NRXN3: variants seen among roughly 807,000 people sequenced by gnomAD.
NRXN3 encodes neurexin III.
Under a neutral mutation model 137.6 loss-of-function variants are expected in NRXN3, and 32 were observed. The ratio of observed to expected loss-of-function variants is 0.23; its 90% CI spans 0.18 to 0.31. The LOEUF (loss-of-function observed/expected upper bound fraction) is 0.31, where lower values mean the gene tolerates loss of function less well. Among genes scored for constraint, NRXN3 ranks in the 10% least tolerant of loss-of-function variants. The pLI, the probability that NRXN3 is intolerant of heterozygous loss-of-function variation, is 1.00. For synonymous variants in NRXN3, 798 were observed against 784.5 expected (o/e 1.02, Z -0.29); for missense variants, 1,574 against 2,062.5 (o/e 0.76, Z 4.59).
At chr14:79,850,268 C>G (rs1456654478) in intron 20 of NRXN3, among the ~76,000 whole-genome samples, 1 of 152,174 alleles carries the variant, frequency 6.6e-6, no homozygotes, top group Non-Finnish European at 1.5e-5. Flanking sequence ...CCTCTGCCTT[C>G]CTCTCTCTAG....
At chr14:79,067,561 T>G (rs2099682336) in intron 15 of NRXN3, among the ~76,000 whole-genome samples, 1 of 152,138 alleles carries the variant, frequency 6.6e-6, no homozygotes. Context: ...TCTTTCTACC[T>G]CTGGTAGAAT....
chr14:78,341,622 A>G (rs1273923370), intron 4 of NRXN3, among the ~76,000 whole-genome samples: 1 of 152,170 alleles, frequency 6.6e-6, no homozygotes, highest in Admixed American at 6.5e-5. Flanking sequence ...GGTGATTCTC[A>G]TGTGCTCCCT....
chr14:78,908,101 C>T lies in NRXN3; in HGVS notation c.2276-49141C>T, dbSNP rs140880767. On this transcript the variant is annotated intron_variant, in intron 10 of 20. Transcript: ENST00000335750. ...TTATTGTGAACAGTGCTGCAGTGAACGTAAGTGTGCATCTGTCTTTTGATA... is the reference window on the plus strand; with the variant it reads ...TTATTGTGAACAGTGCTGCAGTGAATGTAAGTGTGCATCTGTCTTTTGATA... Among the ~76,000 whole-genome samples the T allele has an allele frequency of 4.5e-4, 68 of 152,096 alleles. 1 individual carries two copies. The highest frequency in any genetic ancestry group is 1.5e-3 in the African/African-American group (61 of 41,520).
intron 16 of NRXN3, among the ~76,000 whole-genome samples, chr14:79,524,958 C>G (rs772791142): frequency 2.0e-5 from 3 of 152,104 alleles, no homozygotes; most frequent in Admixed American, 6.6e-5. Flanking sequence ...GCCCACATTC[C>G]TTTTTTTCTG....
rs1404989537 is a variant in NRXN3, at chr14:79,647,441, CATT to C, written c.3445-16334_3445-16332del. ...ACTTTCAAATAATGCATTTTATTAT[CATT>C]ATCTTTTCCGGCATTGATTAATCCT... On this transcript the variant is annotated intron_variant, in intron 16 of 20. Coordinates refer to ENST00000335750, the MANE Select transcript of NRXN3 (RefSeq NM_001330195.2). Among the ~76,000 whole-genome samples, 2 of 135,858 alleles carry C rather than the reference CATT, an allele frequency of 1.5e-5. 1 individual carries two copies. The highest frequency in any genetic ancestry group is 4.9e-5 in the African/African-American group (2 of 40,788). The allele number at this position is 135,858 out of a possible 152,430, so 89.1% of individuals were successfully genotyped here. A position where few individuals can be genotyped will look rare whatever the true frequency, so the allele number is the denominator to read the frequency against.
chr14:78,915,172 ATAAT>A (rs926328385), intron 10 of NRXN3, among the ~76,000 whole-genome samples: 20 of 152,034 alleles, frequency 1.3e-4, no homozygotes, highest in Admixed American at 7.2e-4. Context: ...GCGTGTGTAG[ATAAT>A]TAAAGAGGTG....
intron 10 of NRXN3, among the ~76,000 whole-genome samples, chr14:78,956,879 T>C (rs2099397817): frequency 6.6e-6 from 1 of 152,236 alleles, no homozygotes; most frequent in African/African-American, 2.4e-5. Flanking sequence ...ATGGTAAATT[T>C]CCTATATCTT....
At chr14:79,007,448 A>G (rs2099555330) in intron 15 of NRXN3, among the ~76,000 whole-genome samples, 1 of 139,896 alleles carries the variant, frequency 7.1e-6, no homozygotes, top group Non-Finnish European at 1.6e-5. Context: ...GAAAAAAAAA[A>G]GTCATGAACT....
chr14:78,503,052 T>C (rs1359756929), intron 4 of NRXN3, among the ~76,000 whole-genome samples: 1 of 152,210 alleles, frequency 6.6e-6, no homozygotes, highest in Non-Finnish European at 1.5e-5. Context: ...TATTATTTTA[T>C]ATTAAACATC....
At chr14:78,791,876 A>T (rs2098806087) in intron 8 of NRXN3, among the ~76,000 whole-genome samples, 1 of 152,152 alleles carries the variant, frequency 6.6e-6, no homozygotes, top group Non-Finnish European at 1.5e-5. Context: ...GCTACAGAAA[A>T]AAAGTGTATA....
At chr14:78,361,718 A>C (rs1470504111) in intron 4 of NRXN3, among the ~76,000 whole-genome samples, 1 of 152,186 alleles carries the variant, frequency 6.6e-6, no homozygotes, top group African/African-American at 2.4e-5. Context: ...TCAATACTTC[A>C]TTAAGTGGCA....
chr14:79,325,919 A>G (rs1461103242), intron 15 of NRXN3, among the ~76,000 whole-genome samples: 1 of 152,152 alleles, frequency 6.6e-6, no homozygotes, highest in Non-Finnish European at 1.5e-5. Flanking sequence ...TTCAAAAGGA[A>G]AAAATAAAAA....
intron 16 of NRXN3, among the ~76,000 whole-genome samples, chr14:79,543,873 T>C (rs1342017843): frequency 6.6e-6 from 1 of 152,146 alleles, no homozygotes; most frequent in African/African-American, 2.4e-5. Flanking sequence ...CTGGTGTGTA[T>C]GTTAAATCCC....
chr14:79,090,774 G>A (rs1281341518), intron 15 of NRXN3, among the ~76,000 whole-genome samples: 1 of 152,132 alleles, frequency 6.6e-6, no homozygotes, highest in African/African-American at 2.4e-5. Context: ...TACCAAATAT[G>A]CAGATCACAT....
intron 15 of NRXN3, among the ~76,000 whole-genome samples, chr14:79,299,343 G>C (rs2084746883): frequency 6.6e-6 from 1 of 151,998 alleles, no homozygotes; most frequent in Non-Finnish European, 1.5e-5. Context: ...CTCTCAGTAG[G>C]TCACCCAGAG....
At chr14:78,235,841 G>T (rs2066218241) in intron 1 of NRXN3, among the ~76,000 whole-genome samples, 1 of 152,144 alleles carries the variant, frequency 6.6e-6, no homozygotes. Flanking sequence ...ATGCAAGAAG[G>T]GTGGTATTCC....
chr14:79,152,905 C>T (rs1157503163), intron 15 of NRXN3, among the ~76,000 whole-genome samples: 1 of 151,932 alleles, frequency 6.6e-6, no homozygotes, highest in Non-Finnish European at 1.5e-5. Flanking sequence ...GAGTTGAGGA[C>T]AGTTAGGAGA....
chr14:79,787,231 A>G (rs529471577), intron 19 of NRXN3, among the ~76,000 whole-genome samples: 2 of 152,158 alleles, frequency 1.3e-5, no homozygotes, highest in South Asian at 2.1e-4. Context: ...ACTCTTCCAG[A>G]GAAACTCCTG....
chr14:78,723,134 A>G (rs1342152188), intron 8 of NRXN3, among the ~76,000 whole-genome samples: 2 of 152,188 alleles, frequency 1.3e-5, no homozygotes, highest in African/African-American at 4.8e-5. Context: ...TTTAGGCATT[A>G]TCTTATAGGA....
Sources: allele counts gnomAD v4.1 joint callset (sites outside exome capture counted in the v4.1 genomes callset), GRCh38; gene constraint gnomAD v4.1.1; transcripts MANE v1.5; gene names NCBI Gene and HGNC (gene_info 2026-07-23, HGNC 2026-07-21).